Variants in GRAMD1C observed in about 807,000 individuals in gnomAD.
GRAMD1C encodes GRAM domain containing 1C, also known as protein Aster-C.
Under a neutral mutation model 97.8 loss-of-function variants are expected in GRAMD1C, and 89 were observed. The observed-to-expected ratio is 0.91, with a 90% CI of 0.77 to 1.09. GRAMD1C has a LOEUF of 1.09. GRAMD1C is among the 50% of genes least tolerant of loss of function. The probability of loss-of-function intolerance (pLI) is 0.00; values close to 1 mark genes in which losing one functional copy is unlikely to be tolerated. For synonymous variants in GRAMD1C, 256 were observed against 267.0 expected (o/e 0.96, Z 0.40); for missense variants, 740 against 766.4 (o/e 0.97, Z 0.41).
chr3:113,892,149 T>G (rs2107427006), intron 6 of GRAMD1C, among the ~76,000 whole-genome samples: 1 of 152,130 alleles, frequency 6.6e-6, no homozygotes, highest in Admixed American at 6.6e-5. Flanking sequence ...AAAAAGAATG[T>G]TTTTAAAAGA....
chr3:113,836,840 C>T (rs1296098290), upstream of GRAMD1C, among the ~76,000 whole-genome samples: 2 of 152,052 alleles, frequency 1.3e-5, no homozygotes, highest in Non-Finnish European at 2.9e-5. Flanking sequence ...GACAGGGTTT[C>T]ACCATGTTGG....
At chr3:113,910,208 C>T (rs1188413885) in intron 9 of GRAMD1C, among the ~76,000 whole-genome samples, 1 of 152,124 alleles carries the variant, frequency 6.6e-6, no homozygotes, top group Admixed American at 6.6e-5. Context: ...GTAGTGAAAC[C>T]CTGTCTCTAC....
At chr3:113,897,491 C>T in intron 6 of GRAMD1C, 1 of 980,990 alleles carries the variant, frequency 1.0e-6, no homozygotes, top group Non-Finnish European at 1.2e-6. Context: ...GTATAACTTC[C>T]AATTCTGCAT....
At chr3:113,904,774 A>AGTTTCTTCCTTT (rs1936302992) in intron 8 of GRAMD1C, among the ~76,000 whole-genome samples, 1 of 152,156 alleles carries the variant, frequency 6.6e-6, no homozygotes, top group Non-Finnish European at 1.5e-5. Context: ...ATTATACTCA[A>AGTTTCTTCCTTT]TTACTTAGTT....
intron 2 of GRAMD1C, among the ~76,000 whole-genome samples, chr3:113,847,213 A>AT (rs1395963999): frequency 2.0e-5 from 3 of 152,158 alleles, no homozygotes; most frequent in Admixed American, 6.6e-5. Flanking sequence ...ATATTTTTTA[A>AT]TTTTTTTACT....
chr3:113,936,918 C>G (rs1937588616), intron 14 of GRAMD1C: 1 of 152,570 alleles, frequency 6.6e-6, no homozygotes, highest in Non-Finnish European at 1.5e-5. Flanking sequence ...CACTGAAATC[C>G]CTTCATGGCA....
At chr3:113,836,091 C>T (rs1487950413), upstream of GRAMD1C, among the ~76,000 whole-genome samples, 1 of 151,926 alleles carries the variant, frequency 6.6e-6, no homozygotes, top group Non-Finnish European at 1.5e-5. Flanking sequence ...TGGTGAAAGC[C>T]CATCTCTACT....
At chr3:113,850,541 C>G in intron 2 of GRAMD1C, 1 of 1,597,462 alleles carries the variant, frequency 6.3e-7, no homozygotes, top group Non-Finnish European at 8.6e-7. Context: ...AGAAATGTCT[C>G]CAGGCAAACT....
chr3:113,840,959 A>T (rs1709769877), intron 1 of GRAMD1C, among the ~76,000 whole-genome samples: 1 of 152,164 alleles, frequency 6.6e-6, no homozygotes, highest in Non-Finnish European at 1.5e-5. Flanking sequence ...AAGACTGCGT[A>T]CTCTATGGTT....
rs530382329 is a variant in GRAMD1C, at chr3:113,894,025, G to A, written c.541-7006G>A. 3.3e-5 allele frequency among the ~76,000 whole-genome samples: 5 copies of A among 152,190 alleles called. No homozygotes were observed. The South Asian group carries it at 1.0e-3, about 32-fold the overall frequency. ...CTTTAACCTTCAATATGTACGGTGA[G>A]AACAAATGATTATCTTGAAACACTA... On this transcript the variant is annotated intron_variant, in intron 6 of 17. Coordinates refer to ENST00000358160, the MANE Select transcript of GRAMD1C (RefSeq NM_017577.5).
intron 6 of GRAMD1C, among the ~76,000 whole-genome samples, chr3:113,899,697 A>AT (rs1260457334): frequency 2.6e-5 from 4 of 152,200 alleles, no homozygotes; most frequent in African/African-American, 9.6e-5. Context: ...ATTGGTTATC[A>AT]TAATATTGTT....
rs775305584 is a variant in GRAMD1C, at chr3:113,901,128, T to C, written c.638T>C (p.Ile213Thr). 1.6e-5 allele frequency: 26 copies of C among 1,581,976 alleles called. No homozygotes were observed. Among genetic ancestry groups the C allele is most frequent in the Non-Finnish European group, 2.1e-5 (24 of 1,151,126 alleles). ...GAGATGGAAAACTTGTCACTGTCGA[T>C]TGAGGATGTGCAGCCAAGGTACAGC... ...AEEMENLSLS[I>T]EDVQPRSPGR... The change falls in exon 7 of 18, where the codon ATT becomes ACT. Residue 213 changes from isoleucine (I) to threonine (T), a missense_variant. Physicochemically the swap from Ile to Thr is moderately conservative, Grantham distance 89. Transcript: ENST00000358160.
chr3:113,832,742 C>G (rs1709576017), intron 1 of GRAMD1C, among the ~76,000 whole-genome samples: 1 of 152,016 alleles, frequency 6.6e-6, no homozygotes, highest in African/African-American at 2.4e-5. Context: ...TCTGTTCTGT[C>G]AGATTAGAAA....
rs550881179 is a variant in GRAMD1C at position 113,873,635 on chromosome 3, C to T, written c.260-1849C>T. 1.1e-3 allele frequency among the ~76,000 whole-genome samples: 168 copies of T among 152,194 alleles called. 1 individual carries two copies. Among genetic ancestry groups the T allele is most frequent in the African/African-American group, 3.8e-3 (158 of 41,524 alleles). On this transcript the variant is annotated intron_variant, in intron 3 of 17. Coordinates refer to ENST00000358160, the MANE Select transcript of GRAMD1C (RefSeq NM_017577.5). ...CCGCGTTCAAGGGATTCTCATGCCT[C>T]GGCCTCCCGAGTAGCTGGAATTACA...
chr3:113,870,389 AAGAG>A (rs1491389061), intron 3 of GRAMD1C, among the ~76,000 whole-genome samples: 1 of 151,836 alleles, frequency 6.6e-6, no homozygotes, highest in African/African-American at 2.4e-5. Flanking sequence ...CAAAAAAAAA[AAGAG>A]AGAGAGAGTA....
intron 3 of GRAMD1C, among the ~76,000 whole-genome samples, chr3:113,871,942 A>G (rs780842152): frequency 2.0e-5 from 3 of 152,114 alleles, no homozygotes; most frequent in Non-Finnish European, 4.4e-5. Flanking sequence ...CTTTGTCTCA[A>G]ACAAAAACAA....
rs572344006 is a variant in GRAMD1C, at chr3:113,947,064, GAAGT to G, written c.*1591_*1594del. 3.3e-5 allele frequency: 5 copies of G among 152,126 alleles called. No individual in the cohort carries two copies. The South Asian group carries it at 6.2e-4, about 19-fold the overall frequency. 9.4% of individuals were successfully genotyped at this position (152,126 alleles called of 1,614,324 possible). On this transcript the variant is annotated 3_prime_UTR_variant, in exon 18 of 18. Coordinates refer to ENST00000358160, the MANE Select transcript of GRAMD1C (RefSeq NM_017577.5). The stretch of plus-strand genomic sequence containing the variant: ...ATAACATACTTCAAGGAAGAGTATC[GAAGT>G]AAGTTGCTTTATAAATTAAGACTAA...
intron 6 of GRAMD1C, among the ~76,000 whole-genome samples, chr3:113,883,681 G>C (rs779626342): frequency 1.3e-5 from 2 of 152,118 alleles, no homozygotes; most frequent in African/African-American, 4.8e-5. Flanking sequence ...AGTGAATGTA[G>C]TAATATCAGA....
intron 3 of GRAMD1C, among the ~76,000 whole-genome samples, chr3:113,875,171 C>T (rs528170878): frequency 2.8e-4 from 43 of 152,120 alleles, no homozygotes; most frequent in Non-Finnish European, 3.2e-4. Context: ...GATGCACACT[C>T]TCTGCCCTGC....
Sources: allele counts gnomAD v4.1 joint callset (sites outside exome capture counted in the v4.1 genomes callset), GRCh38; gene constraint gnomAD v4.1.1; transcripts MANE v1.5; gene names NCBI Gene and HGNC (gene_info 2026-07-23, HGNC 2026-07-21).